The following PREX2 variants were observed in gnomAD, a reference collection of about 807,000 sequenced individuals.
PREX2 encodes the protein phosphatidylinositol 3,4,5-trisphosphate-dependent Rac exchanger 2 protein.
In PREX2, 107 loss-of-function variants were observed where a neutral mutation model predicts 203.2. That is an observed-to-expected ratio of 0.53 (90% CI 0.45 to 0.62). The LOEUF is 0.62. PREX2 is among the 20% of genes least tolerant of loss of function. PREX2 has a pLI of 0.00. For missense variants in PREX2, 1,777 were observed against 1,955.9 expected, an observed-to-expected ratio of 0.91 and a Z score of 1.72; for synonymous variants, 672 against 663.6, an observed-to-expected ratio of 1.01 and a Z score of -0.19.
At chr8:68,194,612 G>A (rs1330057433) in intron 37 of PREX2, among the ~76,000 whole-genome samples, 2 of 148,552 alleles carry the variant, frequency 1.3e-5, no homozygotes, top group Non-Finnish European at 3.0e-5. Context: ...TCAACATGGT[G>A]AAACCTCATC....
At chr8:67,983,132 T>C (rs4463405) in intron 1 of PREX2, among the ~76,000 whole-genome samples, 34,988 of 152,168 alleles carry the variant, frequency 0.23, 4,890 homozygotes, top group East Asian at 0.54. Flanking sequence ...TAAGCAGATA[T>C]GCTAATTTCT....
rs1011803420 is a variant in PREX2, at chr8:68,044,352, A to G, written c.840-135A>G. On this transcript the variant is annotated intron_variant, in intron 7 of 39. Coordinates refer to ENST00000288368, the MANE Select transcript of PREX2 (RefSeq NM_024870.4). The stretch of plus-strand genomic sequence containing the variant: ...TATGAATGGGAGGACAAATGGAAAG[A>G]TCTCCAGGAGTCTAATGTTTGATAT... 4.0e-5 allele frequency: 25 copies of G among 618,328 alleles called. 1 individual carries two copies. Among genetic ancestry groups the G allele is most frequent in the Non-Finnish European group, 6.6e-5 (23 of 346,106 alleles). 38.3% of individuals were successfully genotyped at this position (618,328 alleles called of 1,614,324 possible). A position where few individuals can be genotyped will look rare whatever the true frequency, so the allele number is the denominator to read the frequency against.
At chr8:68,155,010 G>C (rs187472089) in intron 34 of PREX2, among the ~76,000 whole-genome samples, 81 of 152,260 alleles carry the variant, frequency 5.3e-4, no homozygotes, top group African/African-American at 1.8e-3. Context: ...ATATTATCTT[G>C]TGGGAAAAGT....
At position 67,993,709 on chromosome 8, in the gene PREX2, T is replaced by C. The variant is rs180768526; in HGVS notation, c.142-24137T>C. ...AGGCATGAGCCACAGCCCCTAGCCT[T>C]ACAATATTACTTCAGTCCATTAACT... On this transcript the variant is annotated intron_variant, in intron 1 of 39. Coordinates refer to ENST00000288368, the MANE Select transcript of PREX2 (RefSeq NM_024870.4). Among the ~76,000 whole-genome samples the C allele has an allele frequency of 1.0e-3, 158 of 152,248 alleles. 6 individuals are homozygous for C. The East Asian group carries it at 0.024, about 23-fold the overall frequency.
rs111417126 is a variant in PREX2, at chr8:68,069,124, C to T, written c.1431C>T (p.Asp477=). The T allele has an allele frequency of 1.3e-3, 2,073 of 1,552,720 alleles. 29 individuals are homozygous for T. In the African/African-American group the frequency reaches 0.025, roughly 18 times the overall value. The change falls in exon 12 of 40, where the codon GAC becomes GAT. Residue 477 remains aspartate, a synonymous_variant. Coordinates refer to ENST00000288368, the MANE Select transcript of PREX2 (RefSeq NM_024870.4). ...TTTATCCAAGAAATGAGATGCAGGACGTGATTTCAAAGGTAACGACCTCTC... is the reference window on the plus strand; with the variant it reads ...TTTATCCAAGAAATGAGATGCAGGATGTGATTTCAAAGGTAACGACCTCTC... ...GTFYPRNEMQ[D]VISKGVRLYC...
intron 37 of PREX2, among the ~76,000 whole-genome samples, chr8:68,196,074 T>A (rs1166962782): frequency 2.6e-5 from 4 of 152,038 alleles, no homozygotes; most frequent in African/African-American, 9.7e-5. Context: ...CCTGGTTTTG[T>A]TTTTAGTAAA....
At position 68,081,678 on chromosome 8, in the gene PREX2, T is replaced by A. The variant is rs552144484; in HGVS notation, c.1878+840T>A. The stretch of plus-strand genomic sequence containing the variant: ...TTTAACTATTTTCTCATTGGATTAA[T>A]GCTCCTGATGTTCTCTCACTTCATC... On this transcript the variant is annotated intron_variant, in intron 17 of 39. Coordinates refer to ENST00000288368, the MANE Select transcript of PREX2 (RefSeq NM_024870.4). Among the ~76,000 whole-genome samples the A allele has an allele frequency of 1.6e-4, 25 of 152,290 alleles. No homozygotes were observed. The East Asian group carries it at 4.5e-3, about 27-fold the overall frequency.
intron 4 of PREX2, 60 bp downstream of exon 4, chr8:68,022,200 C>T (rs1019373926): frequency 2.3e-5 from 19 of 833,856 alleles, no homozygotes; most frequent in Non-Finnish European, 4.2e-6. Context: ...CAGTGAGAGC[C>T]AAGGAATAGC....
rs1813208349 is a variant in PREX2 at position 68,233,481 on chromosome 8, A to G, written c.*2103A>G. The stretch of plus-strand genomic sequence containing the variant: ...GTGCTTCATATTATTTTTAGGGTTA[A>G]ACATAAGTGTGTCGTCTATCATGCT... On this transcript the variant is annotated 3_prime_UTR_variant, in exon 40 of 40. Coordinates refer to ENST00000288368, the MANE Select transcript of PREX2 (RefSeq NM_024870.4). The G allele has an allele frequency of 6.6e-6, 1 of 152,200 alleles. No individual in the cohort carries two copies. The highest frequency in any genetic ancestry group is 1.5e-5 in the Non-Finnish European group (1 of 68,034). 9.4% of individuals were successfully genotyped at this position (152,200 alleles called of 1,614,324 possible). A position where few individuals can be genotyped will look rare whatever the true frequency, so the allele number is the denominator to read the frequency against.
At chr8:68,138,301 C>T in intron 32 of PREX2, 114 bp from the exon 33 acceptor site, 2 of 455,448 alleles carry the variant, frequency 4.4e-6, no homozygotes, top group South Asian at 6.5e-5. Flanking sequence ...TGTTTTGTAC[C>T]TGTATATAAA....
chr8:67,954,183 C>T (rs1414276718), intron 1 of PREX2, among the ~76,000 whole-genome samples: 1 of 152,102 alleles, frequency 6.6e-6, no homozygotes, highest in Non-Finnish European at 1.5e-5. Flanking sequence ...AATAAATTTT[C>T]CCCTTTTATA....
At position 68,090,770 on chromosome 8, in the gene PREX2, A is replaced by C. The variant is rs533820128; in HGVS notation, c.2250+55A>C. The C allele has an allele frequency of 5.6e-4, 834 of 1,494,620 alleles. 9 individuals are homozygous for C. The Middle Eastern group carries it at 8.9e-3, about 16-fold the overall frequency. 92.6% of individuals were successfully genotyped at this position (1,494,620 alleles called of 1,614,324 possible). On this transcript the variant is annotated intron_variant, in intron 20 of 39. Coordinates refer to ENST00000288368, the MANE Select transcript of PREX2 (RefSeq NM_024870.4). ...GAGTGACTACTTGCATAAAGACCTA[A>C]GGGGTTGAGGTGGGATAGTGCCAGA...
intron 25 of PREX2, among the ~76,000 whole-genome samples, chr8:68,110,495 A>C (rs577209477): frequency 2.6e-5 from 4 of 152,210 alleles, no homozygotes; most frequent in Non-Finnish European, 5.9e-5. Flanking sequence ...AAATTATTGA[A>C]TATATCCCAA....
rs757248042 is a variant in PREX2 at position 68,134,047 on chromosome 8, C to T, written c.3767-12C>T. The stretch of plus-strand genomic sequence containing the variant: ...TTTTTCGAAGCATTCTCTATGTTCT[C>T]TTTGATCACAGATAGTGAGACACAG... On this transcript the variant is annotated splice_polypyrimidine_tract_variant and intron_variant, in intron 31 of 39. Transcript: ENST00000288368. 1.1e-5 allele frequency: 18 copies of T among 1,610,468 alleles called. No homozygotes were observed. The highest frequency in any genetic ancestry group is 1.7e-4 in the Middle Eastern group (1 of 6,026).
intron 6 of PREX2, among the ~76,000 whole-genome samples, chr8:68,036,940 C>CA (rs991834797): frequency 6.8e-5 from 10 of 148,130 alleles, no homozygotes; most frequent in East Asian, 3.9e-4. Flanking sequence ...AACTCCATTT[C>CA]AAAAAAAAAG....
At chr8:68,199,126 C>T (rs147631287) in intron 37 of PREX2, among the ~76,000 whole-genome samples, 42 of 142,992 alleles carry the variant, frequency 2.9e-4, no homozygotes, top group African/African-American at 1.1e-3. Context: ...GAAGGCCTTG[C>T]TGCATTGGCA....
chr8:68,155,325 G>A (rs966698694), intron 34 of PREX2, among the ~76,000 whole-genome samples: 6 of 152,116 alleles, frequency 3.9e-5, no homozygotes, highest in African/African-American at 9.7e-5. Flanking sequence ...CTGTACTGAA[G>A]TAAATGTAGT....
intron 1 of PREX2, among the ~76,000 whole-genome samples, chr8:67,995,567 C>A (rs71515081): frequency 1.3e-5 from 2 of 152,026 alleles, no homozygotes; most frequent in Non-Finnish European, 2.9e-5. Context: ...ATATTGTCAA[C>A]GTGAGTGAAA....
chr8:68,008,942 C>T (rs1424321783), intron 1 of PREX2, among the ~76,000 whole-genome samples: 1 of 152,054 alleles, frequency 6.6e-6, no homozygotes, highest in Non-Finnish European at 1.5e-5. Flanking sequence ...GTCTTTATAG[C>T]AGTATGAAAA....
Sources: gnomAD v4.1 joint callset for allele counts (sites outside exome capture counted in the v4.1 genomes callset) on GRCh38, gnomAD v4.1.1 for gene constraint, MANE v1.5 for transcripts, NCBI Gene and HGNC (gene_info 2026-07-23, HGNC 2026-07-21) for gene names.